TENM2: variants seen among roughly 807,000 people sequenced by gnomAD.
TENM2 encodes the protein teneurin-2.
Under a neutral mutation model 245.2 loss-of-function variants are expected in TENM2, and 52 were observed. That is an observed-to-expected ratio of 0.21 (90% CI 0.17 to 0.27). The LOEUF (loss-of-function observed/expected upper bound fraction) is 0.27, where lower values mean the gene tolerates loss of function less well. TENM2 is among the 10% of genes least tolerant of loss of function. The pLI, the probability that TENM2 is intolerant of heterozygous loss-of-function variation, is 1.00. For synonymous variants in TENM2, 1,363 were observed against 1,438.9 expected (o/e 0.95, Z 1.19); for missense variants, 3,046 against 3,666.8 (o/e 0.83, Z 4.37).
At chr5:167,028,713 T>G in the TENM2 span, among the ~76,000 whole-genome samples, 1 of 152,160 alleles carries the variant, frequency 6.6e-6, no homozygotes, top group Non-Finnish European at 1.5e-5. Context: ...ATATACACAT[T>G]TATGTACTTT....
At chr5:167,707,781 A>G (rs550014452) in intron 2 of TENM2, among the ~76,000 whole-genome samples, 1 of 152,320 alleles carries the variant, frequency 6.6e-6, no homozygotes, top group South Asian at 2.1e-4. Flanking sequence ...ACATAGAAAC[A>G]TCTGAACATC....
the TENM2 span, among the ~76,000 whole-genome samples, chr5:167,026,984 T>C: frequency 8.5e-5 from 13 of 152,154 alleles, no homozygotes; most frequent in Non-Finnish European, 1.9e-4. Context: ...AGCAAAGCCC[T>C]TGGGAAGCAA....
At chr5:167,749,218 T>C (rs1761790437) in intron 2 of TENM2, among the ~76,000 whole-genome samples, 1 of 152,192 alleles carries the variant, frequency 6.6e-6, no homozygotes, top group South Asian at 2.1e-4. Context: ...GGCATTATAC[T>C]AAGAACGGAT....
At chr5:167,537,250 C>CAA (rs386405596) in intron 2 of TENM2, among the ~76,000 whole-genome samples, 9,309 of 108,632 alleles carry the variant, frequency 0.086, 578 homozygotes, top group Non-Finnish European at 0.09. Context: ...CCATCTCTAC[C>CAA]AAAAAAAAAA....
At chr5:167,662,822 T>C (rs1487923780) in intron 2 of TENM2, among the ~76,000 whole-genome samples, 1 of 152,160 alleles carries the variant, frequency 6.6e-6, no homozygotes, top group Non-Finnish European at 1.5e-5. Flanking sequence ...ACCTGAGAGC[T>C]TATCAGAAAT....
chr5:167,564,679 T>C (rs546233835), intron 2 of TENM2, among the ~76,000 whole-genome samples: 106 of 152,308 alleles, frequency 7.0e-4, no homozygotes, highest in Non-Finnish European at 1.1e-3. Context: ...TACTCACTTG[T>C]ACAGTTTCAT....
intron 1 of TENM2, among the ~76,000 whole-genome samples, chr5:167,326,265 T>C (rs1757070728): frequency 6.6e-6 from 1 of 152,184 alleles, no homozygotes; most frequent in African/African-American, 2.4e-5. Context: ...TAATTTACTA[T>C]GTTTTGATAT....
chr5:168,225,933 T>C (rs1224431834), intron 23 of TENM2, among the ~76,000 whole-genome samples, 155 bp from the exon 26 acceptor site: 1 of 151,990 alleles, frequency 6.6e-6, no homozygotes, highest in African/African-American at 2.4e-5. Context: ...CCGGGCATAA[T>C]AGGGTTTTGA....
intron 2 of TENM2, among the ~76,000 whole-genome samples, chr5:167,586,709 G>A (rs946842644): frequency 2.0e-5 from 3 of 152,138 alleles, no homozygotes; most frequent in African/African-American, 7.2e-5. Context: ...ATGAGCAAAT[G>A]TATTCTATTA....
the TENM2 span, among the ~76,000 whole-genome samples, chr5:167,114,178 C>T: frequency 6.6e-6 from 1 of 152,200 alleles, no homozygotes. Flanking sequence ...TTTCTTCTGT[C>T]TCTCATGCAT....
chr5:168,213,563 A>G (rs1762946831), intron 20 of TENM2, among the ~76,000 whole-genome samples: 2 of 151,924 alleles, frequency 1.3e-5, no homozygotes, highest in African/African-American at 4.8e-5. Flanking sequence ...CATGGTTTAT[A>G]CCTATAATCC....
At chr5:167,503,371 G>A (rs1169781495) in intron 2 of TENM2, among the ~76,000 whole-genome samples, 1 of 152,064 alleles carries the variant, frequency 6.6e-6, no homozygotes, top group African/African-American at 2.4e-5. Context: ...TAGAAATGCA[G>A]TGTTTGGAAA....
At chr5:167,628,045 A>G (rs1332924025) in intron 2 of TENM2, among the ~76,000 whole-genome samples, 1 of 152,220 alleles carries the variant, frequency 6.6e-6, no homozygotes, top group African/African-American at 2.4e-5. Flanking sequence ...TGCTTCACAT[A>G]GCAAATCTCT....
At position 167,642,140 on chromosome 5, in the gene TENM2, CAA is replaced by C. The variant is rs34089047; in HGVS notation, c.503-233831_503-233830del. ...TGGGCAACAGAGTGAGACGCTGTCTCAAAAAAAAAAAAAAAATATGTATATAT... is the reference window on the plus strand; with the variant it reads ...TGGGCAACAGAGTGAGACGCTGTCTCAAAAAAAAAAAAAATATGTATATAT... On this transcript the variant is annotated intron_variant, in intron 2 of 28. Transcript: ENST00000518659. 4.3e-3 allele frequency among the ~76,000 whole-genome samples: 553 copies of C among 130,036 alleles called. 3 individuals are homozygous for C. The highest frequency in any genetic ancestry group is 0.014 in the African/African-American group (495 of 34,344). 85.3% of individuals were successfully genotyped at this position (130,036 alleles called of 152,430 possible).
At chr5:167,212,526 G>A in the TENM2 span, among the ~76,000 whole-genome samples, 8 of 152,274 alleles carry the variant, frequency 5.3e-5, no homozygotes, top group East Asian at 5.8e-4. Context: ...ATACAACACC[G>A]TCCCTGTAGA....
intron 2 of TENM2, among the ~76,000 whole-genome samples, chr5:167,807,629 A>ATTTT (rs1561803885): frequency 6.1e-5 from 1 of 16,416 alleles, no homozygotes; most frequent in Admixed American, 5.5e-4. Flanking sequence ...TTTTTTAAAA[A>ATTTT]AAAAAAAAAA....
chr5:167,395,202 C>T (rs1442984363), intron 2 of TENM2, among the ~76,000 whole-genome samples: 3 of 152,116 alleles, frequency 2.0e-5, no homozygotes, highest in African/African-American at 7.2e-5. Flanking sequence ...CTGTACAAGT[C>T]GTTCACTGCC....
At chr5:167,109,861 T>C in the TENM2 span, among the ~76,000 whole-genome samples, 16,534 of 152,220 alleles carry the variant, frequency 0.11, 2,927 homozygotes, top group African/African-American at 0.37. Context: ...CTTAGGGCCT[T>C]GGAGTAATGG....
chr5:167,796,991 T>C (rs997444868), intron 2 of TENM2, among the ~76,000 whole-genome samples: 3 of 152,106 alleles, frequency 2.0e-5, no homozygotes, highest in Non-Finnish European at 4.4e-5. Flanking sequence ...CTCTATGCTC[T>C]ACAGGAGCCA....
Sources: gnomAD v4.1 joint callset for allele counts (sites outside exome capture counted in the v4.1 genomes callset) on GRCh38, gnomAD v4.1.1 for gene constraint, MANE v1.5 for transcripts, NCBI Gene and HGNC (gene_info 2026-07-23, HGNC 2026-07-21) for gene names.